Variants in USP10 observed in about 807,000 individuals in gnomAD.
USP10 encodes the protein ubiquitin carboxyl-terminal hydrolase 10.
Under a neutral mutation model 84.5 loss-of-function variants are expected in USP10, and 22 were observed. That is an observed-to-expected ratio of 0.26 (90% CI 0.19 to 0.37). The LOEUF (loss-of-function observed/expected upper bound fraction) is 0.37. Among genes scored for constraint, USP10 ranks in the 10% least tolerant of loss-of-function variants. The pLI is 1.00. For missense variants in USP10, 1,019 were observed against 998.9 expected (o/e 1.02, Z -0.27); for synonymous variants, 454 against 387.6 (o/e 1.17, Z -2.01).
chr16:84,736,273 C>G (rs142107568), intron 2 of USP10, among the ~76,000 whole-genome samples: 78 of 152,292 alleles, frequency 5.1e-4, no homozygotes, highest in African/African-American at 1.8e-3. Flanking sequence ...ATATTGTTTT[C>G]TCTACTTGGG....
chr16:84,705,549 C>T (rs989601426), intron 1 of USP10, among the ~76,000 whole-genome samples: 1 of 151,674 alleles, frequency 6.6e-6, no homozygotes, highest in Non-Finnish European at 1.5e-5. Flanking sequence ...GCCTTTTGAA[C>T]CTGATTTTTA....
At chr16:84,763,623 G>A (rs958874397) in intron 9 of USP10, among the ~76,000 whole-genome samples, 10 of 152,234 alleles carry the variant, frequency 6.6e-5, no homozygotes, top group African/African-American at 2.4e-4. Flanking sequence ...AATTTCGCCA[G>A]TTGTCCCAGG....
At chr16:84,743,431 C>T (rs1161799029) in intron 3 of USP10, among the ~76,000 whole-genome samples, 1 of 152,120 alleles carries the variant, frequency 6.6e-6, no homozygotes, top group East Asian at 1.9e-4. Flanking sequence ...CCCCTCTCAG[C>T]GTCTGTATTT....
intron 1 of USP10, among the ~76,000 whole-genome samples, chr16:84,717,719 A>G (rs1328647302): frequency 1.3e-5 from 2 of 152,208 alleles, no homozygotes; most frequent in Admixed American, 6.5e-5. Context: ...GAGGAGATGC[A>G]TCACTTCTTA....
At chr16:84,714,538 G>GTT (rs374263423) in intron 1 of USP10, among the ~76,000 whole-genome samples, 1 of 143,542 alleles carries the variant, frequency 7.0e-6, no homozygotes, top group Admixed American at 6.9e-5. Flanking sequence ...CTTTGCGATT[G>GTT]TTTTTTTTTT....
chr16:84,701,311 A>G (rs1303806222), intron 1 of USP10, among the ~76,000 whole-genome samples: 1 of 152,238 alleles, frequency 6.6e-6, no homozygotes, highest in African/African-American at 2.4e-5. Flanking sequence ...TTTAGTTTGC[A>G]TCAGAATTTC....
At chr16:84,776,340 G>T (rs1915017673) in intron 13 of USP10, among the ~76,000 whole-genome samples, 1 of 152,158 alleles carries the variant, frequency 6.6e-6, no homozygotes, top group South Asian at 2.1e-4. Flanking sequence ...GGCCCAGTGG[G>T]TGAGGCCCAG....
chr16:84,711,633 C>T (rs1166734117), intron 1 of USP10, among the ~76,000 whole-genome samples: 1 of 152,070 alleles, frequency 6.6e-6, no homozygotes, highest in Non-Finnish European at 1.5e-5. Flanking sequence ...TCTTCTGTGC[C>T]ACAACAATGT....
At position 84,765,146 on chromosome 16, in the gene USP10, AT is replaced by A. The variant is rs1479776165; in HGVS notation, c.1832+884del. 2.6e-5 allele frequency among the ~76,000 whole-genome samples: 4 copies of A among 152,026 alleles called. No individual in the cohort carries two copies. The East Asian group carries it at 7.7e-4, about 29-fold the overall frequency. ...CAGTGTATCTGGAGGAATTTTATTT[AT>A]GTTAATAAATTGTGTATATTTAAAG... On this transcript the variant is annotated intron_variant, in intron 10 of 13. Coordinates refer to ENST00000219473, the MANE Select transcript of USP10 (RefSeq NM_005153.3).
chr16:84,714,089 C>T (rs1906673567), intron 1 of USP10, among the ~76,000 whole-genome samples: 1 of 152,126 alleles, frequency 6.6e-6, no homozygotes, highest in Admixed American at 6.5e-5. Context: ...CTGTGGTGGC[C>T]ACATGCAGTT....
chr16:84,759,825 A>C, intron 6 of USP10, 66 bp from the exon 7 acceptor site: 5 of 1,502,420 alleles, frequency 3.3e-6, no homozygotes, highest in Middle Eastern at 2.2e-4. Context: ...TTAGCCATCA[A>C]AGCTCTTTAG....
intron 12 of USP10, among the ~76,000 whole-genome samples, chr16:84,774,636 A>C (rs1177918225): frequency 6.6e-6 from 1 of 151,700 alleles, no homozygotes; most frequent in Non-Finnish European, 1.5e-5. Context: ...ACGCCCGGGT[A>C]ATTTTTTGTA....
At position 84,764,970 on chromosome 16, in the gene USP10, A is replaced by G. The variant is rs1281379108; in HGVS notation, c.1832+707A>G. 2.7e-5 allele frequency among the ~76,000 whole-genome samples: 4 copies of G among 145,948 alleles called. No individual in the cohort carries two copies. In the South Asian group the frequency reaches 8.9e-4, roughly 32 times the overall value. On this transcript the variant is annotated intron_variant, in intron 10 of 13. Coordinates refer to ENST00000219473, the MANE Select transcript of USP10 (RefSeq NM_005153.3). ...TATATATATATTAGACTTCATCTGC[A>G]TTTAAAACTTGCAACATAAAACCAC... is the stretch of plus-strand genomic sequence containing the variant.
At chr16:84,716,678 C>A (rs1446032476) in intron 1 of USP10, among the ~76,000 whole-genome samples, 1 of 152,088 alleles carries the variant, frequency 6.6e-6, no homozygotes, top group East Asian at 1.9e-4. Context: ...GGCTGATCAG[C>A]AGAATAATGA....
intron 1 of USP10, among the ~76,000 whole-genome samples, chr16:84,717,235 T>C (rs1471862585): frequency 1.3e-5 from 2 of 152,144 alleles, no homozygotes; most frequent in African/African-American, 4.8e-5. Context: ...CAGAAATGTG[T>C]GTACATGCAT....
In USP10 at chr16:84,745,243, C is replaced by T. The variant is rs771080550; in HGVS notation, c.762C>T (p.Cys254=). ...CCGGGGCTGATTTTGGTCAGTCCTG[C>T]TTCCCTGCAGAGGCTGGCAGAGACA... ...GGPGADFGQS[C]FPAEAGRDTL... The change falls in exon 4 of 14, where the codon TGC becomes TGT. Residue 254 remains cysteine (C), a synonymous_variant. Coordinates refer to ENST00000219473, the MANE Select transcript of USP10 (RefSeq NM_005153.3). 1.2e-6 allele frequency: 2 copies of T among 1,613,458 alleles called. No homozygotes were observed. Among genetic ancestry groups the T allele is most frequent in the Admixed American group, 1.7e-5 (1 of 59,996 alleles).
At chr16:84,776,046 C>A (rs955816810) in intron 13 of USP10, among the ~76,000 whole-genome samples, 2 of 152,182 alleles carry the variant, frequency 1.3e-5, no homozygotes, top group Admixed American at 1.3e-4. Flanking sequence ...CATAACACTG[C>A]CATTTATTGA....
chr16:84,768,949 G>A (rs1914146579), intron 11 of USP10, among the ~76,000 whole-genome samples: 1 of 152,160 alleles, frequency 6.6e-6, no homozygotes. Context: ...ACTCAGTTGG[G>A]CGAGACGGAT....
In USP10 at chr16:84,745,212, G is replaced by T. The variant is rs751020306; in HGVS notation, c.731G>T (p.Gly244Val). ...ACCAGGACTGCAGGGCAGCCAGAGG[G>T]GGGCCCCGGGGCTGATTTTGGTCAG... is the stretch of plus-strand genomic sequence containing the variant. ...SDTRTAGQPE[G>V]GPGADFGQSC... The change falls in exon 4 of 14, where the codon GGG becomes GTG. Residue 244 changes from glycine to valine, a missense_variant. This residue lies in a region of USP10 where 787 missense variants were observed against 708.8 expected (regional missense o/e 1.11). Coordinates refer to ENST00000219473, the MANE Select transcript of USP10 (RefSeq NM_005153.3). 6.2e-7 allele frequency: 1 copy of T among 1,613,154 alleles called. No individual in the cohort carries two copies. Among genetic ancestry groups the T allele is most frequent in the South Asian group, 1.1e-5 (1 of 91,010 alleles).
Sources: allele counts gnomAD v4.1 joint callset (sites outside exome capture counted in the v4.1 genomes callset), GRCh38; gene constraint gnomAD v4.1.1; regional missense constraint gnomAD v4.1.1; transcripts MANE v1.5; gene names NCBI Gene and HGNC (gene_info 2026-07-23, HGNC 2026-07-21).